The following SYNJ2 variants were observed in gnomAD, a reference collection of about 807,000 sequenced individuals.
SYNJ2 encodes polyphosphatidylinositol phosphatase SYNJ2.
Under a neutral mutation model 141.3 loss-of-function variants are expected in SYNJ2, and 116 were observed. The observed-to-expected ratio is 0.82, with a 90% CI of 0.71 to 0.96. The LOEUF (loss-of-function observed/expected upper bound fraction) is 0.96, where lower values mean the gene tolerates loss of function less well. SYNJ2 is among the 40% of genes least tolerant of loss of function. The pLI is 0.00. For synonymous variants in SYNJ2, 745 were observed against 777.7 expected (o/e 0.96, Z 0.70); for missense variants, 1,873 against 1,934.8 (o/e 0.97, Z 0.60).
intron 22 of SYNJ2, among the ~76,000 whole-genome samples, chr6:158,086,118 G>T (rs931033096): frequency 3.3e-5 from 5 of 152,136 alleles, no homozygotes; most frequent in South Asian, 2.1e-4. Flanking sequence ...CCCATTTGTA[G>T]GAGAAATCCT....
chr6:158,005,702 C>A (rs987052057), intron 1 of SYNJ2, among the ~76,000 whole-genome samples: 1 of 152,122 alleles, frequency 6.6e-6, no homozygotes. Context: ...TGTGCTCTGT[C>A]CACTCCCCCA....
Position 158,096,237 on chromosome 6 carries a change from G to C in SYNJ2, c.4364G>C (p.Gly1455Ala). ...KRDPIDPVSA[G>A]ASAAKAELPP... ...GATCCCATAGACCCAGTGTCAGCTG[G>C]CGCTTCAGCTGCCAAGGCAGAGCTG... The change falls in exon 27 of 27, where the codon GGC becomes GCC. Residue 1455 changes from glycine to alanine, a missense_variant. Transcript: ENST00000355585. 1 of 1,614,222 alleles carries C rather than the reference G, an allele frequency of 6.2e-7. No homozygotes were observed. Among genetic ancestry groups the C allele is most frequent in the Non-Finnish European group, 8.5e-7 (1 of 1,180,050 alleles).
intron 16 of SYNJ2, among the ~76,000 whole-genome samples, 182 bp from the exon 17 acceptor site, chr6:158,076,444 C>A (rs1466666448): frequency 6.6e-6 from 1 of 152,112 alleles, no homozygotes; most frequent in African/African-American, 2.4e-5. Flanking sequence ...GTGGGATGAG[C>A]TGAGGATCAC....
intron 3 of SYNJ2, among the ~76,000 whole-genome samples, chr6:158,032,689 A>G (rs1029656558): frequency 6.6e-6 from 1 of 152,174 alleles, no homozygotes; most frequent in African/African-American, 2.4e-5. Flanking sequence ...TTATCTGTGA[A>G]AGGGGGTCAC....
In SYNJ2 at chr6:158,081,307, T is replaced by C; in HGVS notation, c.2766T>C (p.Tyr922=). 1.2e-6 allele frequency: 2 copies of C among 1,614,174 alleles called. No homozygotes were observed. The highest frequency in any genetic ancestry group is 1.7e-6 in the Non-Finnish European group (2 of 1,180,018). Residue 922 remains tyrosine (Y), a synonymous_variant, in exon 19 of 27, where the codon TAT becomes TAC. Coordinates refer to ENST00000355585, the MANE Select transcript of SYNJ2 (RefSeq NM_003898.4). ...AGCTCATGCAGACCTTGGGGAGTTA[T>C]GGGACAATTGTTCTTGTCAGGTAAC... ...RTELMQTLGS[Y]GTIVLVRINQ...
intron 1 of SYNJ2, among the ~76,000 whole-genome samples, chr6:158,005,269 G>A (rs1208485262): frequency 6.6e-6 from 1 of 151,972 alleles, no homozygotes; most frequent in East Asian, 1.9e-4. Context: ...AATAGAGATG[G>A]GGTTTCACCA....
At chr6:158,049,375 C>T (rs1780432131) in intron 5 of SYNJ2, among the ~76,000 whole-genome samples, 1 of 152,048 alleles carries the variant, frequency 6.6e-6, no homozygotes, top group Non-Finnish European at 1.5e-5. Flanking sequence ...AAGGTGGATG[C>T]TGGTCAGTGT....
chr6:158,062,115 C>T lies in SYNJ2; in HGVS notation c.1078C>T (p.His360Tyr). The change falls in exon 8 of 27, where the codon CAC becomes TAC. Residue 360 changes from histidine to tyrosine, a missense_variant. Transcript: ENST00000355585. ...ETLLRPQLKL[H>Y]WEDFDVFTKG... The stretch of plus-strand genomic sequence containing the variant: ...CCTCTTGAGGCCACAGTTAAAGCTG[C>T]ACTGGGAAGACTTCGATGTGTTCAC... 6.2e-7 allele frequency: 1 copy of T among 1,614,090 alleles called. No homozygotes were observed. The highest frequency in any genetic ancestry group is 1.1e-5 in the South Asian group (1 of 91,080).
At position 158,028,966 on chromosome 6, in the gene SYNJ2, T is replaced by C; in HGVS notation, c.425T>C (p.Leu142Pro). The change falls in exon 3 of 27, where the codon CTG (leucine) becomes CCG (proline). Residue 142 changes from leucine (L) to proline (P), a missense_variant. Leu to Pro is a moderately conservative substitution (Grantham distance 98). Transcript: ENST00000355585. ...SWPNDGSRFD[L>P]TVRTQKQGDD... Reference sequence around the variant, plus strand: ...CCAAACGATGGGTCTCGCTTTGACCTGACTGTCCGCACGCAGAAGCAGGGG... The same window carrying C: ...CCAAACGATGGGTCTCGCTTTGACCCGACTGTCCGCACGCAGAAGCAGGGG... 2 of 1,613,976 alleles carry C rather than the reference T, an allele frequency of 1.2e-6. No homozygotes were observed. Among genetic ancestry groups the C allele is most frequent in the Middle Eastern group, 1.6e-4 (1 of 6,062 alleles).
At chr6:158,031,564 C>G (rs951237145) in intron 3 of SYNJ2, among the ~76,000 whole-genome samples, 1 of 152,344 alleles carries the variant, frequency 6.6e-6, no homozygotes. Flanking sequence ...ACTGAGTCAC[C>G]ACGGGCAGTG....
chr6:157,988,979 C>T (rs1777311145), intron 1 of SYNJ2, among the ~76,000 whole-genome samples: 1 of 152,320 alleles, frequency 6.6e-6, no homozygotes, highest in East Asian at 1.9e-4. Context: ...GGGCAGGAGC[C>T]TTCTGGCACT....
intron 4 of SYNJ2, among the ~76,000 whole-genome samples, chr6:158,041,857 C>A (rs142703967): frequency 9.1e-4 from 139 of 152,292 alleles, no homozygotes; most frequent in Non-Finnish European, 1.0e-3. Context: ...TACAGGCATA[C>A]GCCACCATAC....
chr6:158,069,483 G>A (rs375934289), intron 13 of SYNJ2, 50 bp from the exon 14 acceptor site: 3 of 1,583,112 alleles, frequency 1.9e-6, no homozygotes, highest in South Asian at 1.2e-5. Context: ...GTGGGAGATA[G>A]ATGTACTTCC....
rs1408937011 is a variant in SYNJ2 at position 158,055,033 on chromosome 6, G to A, written c.857+5G>A. 4.3e-6 allele frequency: 7 copies of A among 1,613,474 alleles called. No homozygotes were observed. Among genetic ancestry groups the A allele is most frequent in the East Asian group, 2.2e-5 (1 of 44,902 alleles). On this transcript the variant is annotated splice_donor_5th_base_variant and intron_variant, in intron 6 of 26. Transcript: ENST00000355585. Reference sequence around the variant, plus strand: ...CAATGCCCCTGCTTTCGACAGGTAGGGATTGTCTGACACCATCCAAGCCTG... The same window carrying A: ...CAATGCCCCTGCTTTCGACAGGTAGAGATTGTCTGACACCATCCAAGCCTG...
intron 6 of SYNJ2, among the ~76,000 whole-genome samples, chr6:158,058,485 CTTG>C (rs1267053298): frequency 7.2e-5 from 11 of 152,172 alleles, no homozygotes; most frequent in African/African-American, 2.7e-4. Context: ...GTTGTATCTC[CTTG>C]TTGTGGTTTA....
chr6:158,038,719 G>A (rs932406253), intron 4 of SYNJ2, among the ~76,000 whole-genome samples: 1 of 152,252 alleles, frequency 6.6e-6, no homozygotes, highest in Admixed American at 6.5e-5. Context: ...TGGTGTGATG[G>A]GGGCGCAGCA....
At position 158,055,013 on chromosome 6, in the gene SYNJ2, C is replaced by A. The variant is rs769439682; in HGVS notation, c.842C>A (p.Ala281Asp). The part of the protein sequence containing the change: ...LRLHRGLEAN[A>D]PAFDRHMVLL... Reference sequence around the variant, plus strand: ...CTCCACAGAGGCCTGGAAGCCAATGCCCCTGCTTTCGACAGGTAGGGATTG... The same window carrying A: ...CTCCACAGAGGCCTGGAAGCCAATGACCCTGCTTTCGACAGGTAGGGATTG... The change falls in exon 6 of 27, where the codon GCC (alanine) becomes GAC (aspartate). Residue 281 changes from alanine (A) to aspartate (D), a missense_variant. Physicochemically the swap from Ala to Asp is moderately radical, Grantham distance 126 (BLOSUM62 -2). Transcript: ENST00000355585. 2 of 1,613,920 alleles carry A rather than the reference C, an allele frequency of 1.2e-6. No individual in the cohort carries two copies. Among genetic ancestry groups the A allele is most frequent in the Non-Finnish European group, 1.7e-6 (2 of 1,180,014 alleles).
chr6:158,022,667 T>C (rs1382556445), intron 2 of SYNJ2, among the ~76,000 whole-genome samples: 1 of 152,216 alleles, frequency 6.6e-6, no homozygotes, highest in African/African-American at 2.4e-5. Context: ...CCCACTCTTC[T>C]GAGTTTTGTT....
At chr6:157,991,519 G>A (rs10455937) in intron 1 of SYNJ2, among the ~76,000 whole-genome samples, 80,838 of 151,732 alleles carry the variant, frequency 0.53, 22,714 homozygotes, top group African/African-American at 0.73. Context: ...TCCAGTGGGG[G>A]AATTTAGTTA....
Sources: gnomAD v4.1 joint callset for allele counts (sites outside exome capture counted in the v4.1 genomes callset) on GRCh38, gnomAD v4.1.1 for gene constraint, MANE v1.5 for transcripts, NCBI Gene and HGNC (gene_info 2026-07-23, HGNC 2026-07-21) for gene names.